ADAMTS19: variants seen among roughly 807,000 people sequenced by gnomAD.
ADAMTS19 encodes the protein ADAM metallopeptidase with thrombospondin type 1 motif 19.
In ADAMTS19, 93 loss-of-function variants were observed where a neutral mutation model predicts 153.3. The observed-to-expected ratio is 0.61, with a 90% CI of 0.51 to 0.72. ADAMTS19 has a LOEUF of 0.72. Among genes scored for constraint, ADAMTS19 ranks in the 30% least tolerant of loss-of-function variants. The pLI, the probability that ADAMTS19 is intolerant of heterozygous loss-of-function variation, is 0.00. For missense variants in ADAMTS19, 1,482 were observed against 1,552.1 expected (o/e 0.95, Z 0.76); for synonymous variants, 600 against 556.6 (o/e 1.08, Z -1.10).
intron 2 of ADAMTS19, among the ~76,000 whole-genome samples, chr5:129,503,148 T>A (rs979749635): frequency 1.3e-5 from 2 of 152,162 alleles, no homozygotes; most frequent in African/African-American, 4.8e-5. Context: ...GAAGTTTGAG[T>A]AGTAAAAGTA....
intron 16 of ADAMTS19, among the ~76,000 whole-genome samples, chr5:129,673,286 C>T (rs748332615): frequency 5.9e-5 from 9 of 152,058 alleles, no homozygotes; most frequent in Non-Finnish European, 1.0e-4. Flanking sequence ...TTGCTTTCTT[C>T]TTTGCTAATG....
Position 129,679,933 on chromosome 5 carries a change from T to C in ADAMTS19, c.2664+12T>C, listed in dbSNP as rs202171241. 660 of 1,606,514 alleles carry C rather than the reference T, an allele frequency of 4.1e-4. No individual in the cohort carries two copies. The highest frequency in any genetic ancestry group is 5.1e-4 in the Non-Finnish European group (600 of 1,177,068). ...CTTTACATCTTCTGGTATGAGGGAA[T>C]GAATTGATAACATGGCATAATCAAC... is the stretch of plus-strand genomic sequence containing the variant. On this transcript the variant is annotated intron_variant, in intron 17 of 22. Transcript: ENST00000274487.
chr5:129,687,764 A>G (rs1755157970), intron 18 of ADAMTS19, among the ~76,000 whole-genome samples: 1 of 152,186 alleles, frequency 6.6e-6, no homozygotes, highest in Non-Finnish European at 1.5e-5. Context: ...TGAATGGCTC[A>G]GGAGGCTTCA....
intron 7 of ADAMTS19, among the ~76,000 whole-genome samples, chr5:129,563,909 G>A (rs924015505): frequency 2.0e-5 from 3 of 151,840 alleles, no homozygotes; most frequent in African/African-American, 4.8e-5. Context: ...AAGACATGGA[G>A]ATCTAACCAG....
Position 129,596,786 on chromosome 5 carries a change from G to C in ADAMTS19, c.1478+122G>C, listed in dbSNP as rs565726121. The C allele has an allele frequency of 3.4e-4, 225 of 664,578 alleles. 2 individuals are homozygous for C. The South Asian group carries it at 3.9e-3, about 12-fold the overall frequency. The allele number at this position is 664,578 out of a possible 1,614,324, so 41.2% of individuals were successfully genotyped here. On this transcript the variant is annotated intron_variant, in intron 8 of 22. Transcript: ENST00000274487. Reference sequence around the variant, plus strand: ...CTTCAAGTTTTTGAAAAACTAGGGAGACAAGAAGGGGTGAAGACTGACTAC... The same window carrying C: ...CTTCAAGTTTTTGAAAAACTAGGGACACAAGAAGGGGTGAAGACTGACTAC...
chr5:129,473,193 TA>T (rs5871355), intron 2 of ADAMTS19, among the ~76,000 whole-genome samples: 2,419 of 146,920 alleles, frequency 0.016, 71 homozygotes, highest in African/African-American at 0.057. Flanking sequence ...AAATAAACAG[TA>T]AAAAAAAAAA....
At position 129,596,548 on chromosome 5, in the gene ADAMTS19, G is replaced by C; in HGVS notation, c.1373-11G>C. The C allele has an allele frequency of 6.6e-7, 1 of 1,520,800 alleles. No individual in the cohort carries two copies. The highest frequency in any genetic ancestry group is 1.7e-4 in the Middle Eastern group (1 of 5,774). 94.2% of individuals were successfully genotyped at this position (1,520,800 alleles called of 1,614,324 possible). On this transcript the variant is annotated splice_polypyrimidine_tract_variant and intron_variant, in intron 7 of 22. Transcript: ENST00000274487. ...TTCAGACATATAATAATTAATGTTT[G>C]TATTTTTTAGGTATAGCTTACTTGA...
chr5:129,618,965 G>A lies in ADAMTS19; in HGVS notation c.1479-1653G>A, dbSNP rs1751654495. On this transcript the variant is annotated intron_variant, in intron 8 of 22. Coordinates refer to ENST00000274487, the MANE Select transcript of ADAMTS19 (RefSeq NM_133638.6). ...TTACAGAGTCTCAAGAATTTGGAGA[G>A]TGAACCAAAAGTAAAAATTTATAAT... is the stretch of plus-strand genomic sequence containing the variant. 3.3e-5 allele frequency among the ~76,000 whole-genome samples: 5 copies of A among 152,022 alleles called. No individual in the cohort carries two copies. In the Admixed American group the frequency reaches 3.3e-4, roughly 10 times the overall value.
intron 2 of ADAMTS19, among the ~76,000 whole-genome samples, chr5:129,465,306 GTT>G (rs61242834): frequency 7.9e-6 from 1 of 125,996 alleles, no homozygotes; most frequent in African/African-American, 2.9e-5. Flanking sequence ...TTAACACAAT[GTT>G]TTTTTTTTTT....
intron 3 of ADAMTS19, among the ~76,000 whole-genome samples, chr5:129,513,070 A>G (rs947381002): frequency 2.6e-5 from 4 of 152,016 alleles, no homozygotes; most frequent in African/African-American, 9.7e-5. Context: ...GTCATCAAGC[A>G]TCTCAGATTT....
intron 6 of ADAMTS19, among the ~76,000 whole-genome samples, chr5:129,548,934 C>T (rs1281271155): frequency 1.4e-5 from 2 of 146,840 alleles, no homozygotes; most frequent in African/African-American, 2.5e-5. Flanking sequence ...GGACAAAAAA[C>T]CAAACAGCAC....
Position 129,737,483 on chromosome 5 carries a change from G to A in ADAMTS19, c.*265G>A, listed in dbSNP as rs1428288768. 2 of 227,830 alleles carry A rather than the reference G, an allele frequency of 8.8e-6. No individual in the cohort carries two copies. The highest frequency in any genetic ancestry group is 4.6e-5 in the African/African-American group (2 of 43,910). 14.1% of individuals were successfully genotyped at this position (227,830 alleles called of 1,614,324 possible). On this transcript the variant is annotated 3_prime_UTR_variant, in exon 23 of 23. Coordinates refer to ENST00000274487, the MANE Select transcript of ADAMTS19 (RefSeq NM_133638.6). ...AATAAAAAGAAAAAGGAAAAAAATAGATCATTATACTTAAAACAAGTTTTC... is the reference window on the plus strand; with the variant it reads ...AATAAAAAGAAAAAGGAAAAAAATAAATCATTATACTTAAAACAAGTTTTC...
intron 13 of ADAMTS19, among the ~76,000 whole-genome samples, chr5:129,653,490 C>T (rs547093858): frequency 5.1e-4 from 78 of 152,236 alleles, no homozygotes; most frequent in Non-Finnish European, 9.9e-4. Context: ...CAATGATGCA[C>T]AAAGAAGACT....
chr5:129,475,846 T>C (rs1288454142), intron 2 of ADAMTS19, among the ~76,000 whole-genome samples: 1 of 152,168 alleles, frequency 6.6e-6, no homozygotes, highest in African/African-American at 2.4e-5. Flanking sequence ...TAAAAATAAA[T>C]TGTTTTGGCC....
chr5:129,591,492 C>T (rs1310172976), intron 7 of ADAMTS19, among the ~76,000 whole-genome samples: 1 of 151,766 alleles, frequency 6.6e-6, no homozygotes, highest in African/African-American at 2.4e-5. Flanking sequence ...GGAGTTTCAC[C>T]ATGTTGGCCA....
At position 129,684,183 on chromosome 5, in the gene ADAMTS19, C is replaced by G. The variant is rs1361959126; in HGVS notation, c.2728C>G (p.Leu910Val). The change falls in exon 18 of 23, where the codon CTT becomes GTT. Residue 910 changes from leucine to valine, a missense_variant. Around this residue, in one of 2 missense-constraint regions of ADAMTS19, gnomAD observed 616 missense variants for 724.4 expected, o/e 0.85. Transcript: ENST00000274487. ...HYEYTIPSDP[L>V]PENQSSKAPE... is the part of the protein sequence containing the mutation. ...TGAATACACTATCCCATCAGACCCT[C>G]TTCCAGAAAACCAGAGCTCTAAAGC... is the stretch of plus-strand genomic sequence containing the variant. 1.2e-6 allele frequency: 2 copies of G among 1,614,162 alleles called. No individual in the cohort carries two copies. The highest frequency in any genetic ancestry group is 8.5e-7 in the Non-Finnish European group (1 of 1,180,034).
chr5:129,710,499 C>A (rs1042277477), intron 21 of ADAMTS19, among the ~76,000 whole-genome samples: 3 of 152,128 alleles, frequency 2.0e-5, no homozygotes, highest in African/African-American at 7.2e-5. Flanking sequence ...AAAAGCTTAA[C>A]ATCACTGATC....
chr5:129,474,661 G>A (rs181361361), intron 2 of ADAMTS19, among the ~76,000 whole-genome samples: 1 of 151,666 alleles, frequency 6.6e-6, no homozygotes, highest in East Asian at 1.9e-4. Flanking sequence ...CTTAGTTTGG[G>A]AACATTTCTA....
chr5:129,537,324 G>A (rs905784053), intron 6 of ADAMTS19, among the ~76,000 whole-genome samples: 2 of 152,118 alleles, frequency 1.3e-5, no homozygotes, highest in Non-Finnish European at 2.9e-5. Flanking sequence ...TTACATTGTT[G>A]GTGGGACTGT....
Sources: gnomAD v4.1 joint callset for allele counts (sites outside exome capture counted in the v4.1 genomes callset) on GRCh38, gnomAD v4.1.1 for gene constraint, gnomAD v4.1.1 regional missense constraint, MANE v1.5 for transcripts, NCBI Gene and HGNC (gene_info 2026-07-23, HGNC 2026-07-21) for gene names.